MRPS5: variants seen among roughly 807,000 people sequenced by gnomAD.
The protein encoded by MRPS5 is small ribosomal subunit protein uS5m.
MRPS5 carries 27 observed loss-of-function variants against 51.9 expected under a neutral mutation model. The observed-to-expected ratio is 0.52, with a 90% CI of 0.38 to 0.72. MRPS5 has a LOEUF of 0.72. Among genes scored for constraint, MRPS5 ranks in the 30% least tolerant of loss-of-function variants. MRPS5 has a pLI of 0.00. For missense variants in MRPS5, 570 were observed against 545.7 expected, an observed-to-expected ratio of 1.04 and a Z score of -0.44; for synonymous variants, 196 against 193.2, an observed-to-expected ratio of 1.01 and a Z score of -0.12.
At chr2:95,107,140 A>C (rs762864183) in intron 5 of MRPS5, among the ~76,000 whole-genome samples, 2 of 152,238 alleles carry the variant, frequency 1.3e-5, no homozygotes, top group African/African-American at 4.8e-5. Flanking sequence ...TTATGTATAC[A>C]TTAGTCAGCT....
Position 95,094,740 on chromosome 2 carries a change from T to C in MRPS5, c.932-4218A>G, listed in dbSNP as rs1310571257. Among the ~76,000 whole-genome samples, 7 of 152,128 alleles carry C rather than the reference T, an allele frequency of 4.6e-5. No homozygotes were observed. In the East Asian group the frequency reaches 1.3e-3, roughly 29 times the overall value. ...GAACTCCTGAAGGAAGCACTCAACA[T>C]GGAAAGGAACAACCGGTACCAGCCA... On this transcript the variant is annotated intron_variant, in intron 10 of 11. Coordinates refer to ENST00000272418, the MANE Select transcript of MRPS5 (RefSeq NM_031902.5).
At chr2:95,091,706 G>C (rs538918221) in intron 10 of MRPS5, 2 of 152,060 alleles carry the variant, frequency 1.3e-5, no homozygotes. Flanking sequence ...GACTTTTTAT[G>C]GTCAAAAACT....
chr2:95,121,605 G>T, intron 1 of MRPS5, 129 bp downstream of exon 1: 3 of 1,019,014 alleles, frequency 2.9e-6, no homozygotes, highest in Non-Finnish European at 4.1e-6. Flanking sequence ...GGCGGAAGGT[G>T]GGGGCACGGC....
chr2:95,099,988 A>G (rs573085457), intron 10 of MRPS5, among the ~76,000 whole-genome samples: 12 of 152,264 alleles, frequency 7.9e-5, no homozygotes, highest in African/African-American at 2.6e-4. Flanking sequence ...GCCCTAGCCC[A>G]TGACCCTGAA....
At position 95,087,315 on chromosome 2, in the gene MRPS5, G is replaced by T. The variant is rs774417761; in HGVS notation, c.*42C>A. ...CTGTGAGGGGCTGAGTCTCTCCTAG[G>T]TGCAGGGCAGCACAGGAACTGGCTG... On this transcript the variant is annotated 3_prime_UTR_variant, in exon 12 of 12. Coordinates refer to ENST00000272418, the MANE Select transcript of MRPS5 (RefSeq NM_031902.5). 6.5e-6 allele frequency: 10 copies of T among 1,541,942 alleles called. No homozygotes were observed. Among genetic ancestry groups the T allele is most frequent in the Non-Finnish European group, 9.0e-6 (10 of 1,115,770 alleles).
chr2:95,091,630 C>A (rs1675470335), intron 10 of MRPS5: 1 of 152,188 alleles, frequency 6.6e-6, no homozygotes, highest in Non-Finnish European at 1.5e-5. Flanking sequence ...AAACTCGGCA[C>A]ACACCTCTTC....
intron 1 of MRPS5, 53 bp downstream of exon 1, chr2:95,121,681 C>A: frequency 4.0e-6 from 6 of 1,509,248 alleles, no homozygotes; most frequent in Non-Finnish European, 3.5e-6. Flanking sequence ...CCCAGGCGAG[C>A]CCCCCACTCC....
chr2:95,121,851 C>G, upstream of MRPS5: 1 of 1,478,650 alleles, frequency 6.8e-7, no homozygotes, highest in Non-Finnish European at 9.0e-7. Context: ...CCGCCTACCG[C>G]GACTGCTCCT....
intron 6 of MRPS5, among the ~76,000 whole-genome samples, chr2:95,105,886 T>A (rs1159431234): frequency 6.6e-6 from 1 of 152,210 alleles, no homozygotes; most frequent in Non-Finnish European, 1.5e-5. Context: ...CACTGAGCAT[T>A]CAGTGCCAGC....
At chr2:95,116,234 T>C (rs1165377764) in intron 2 of MRPS5, among the ~76,000 whole-genome samples, 1 of 151,506 alleles carries the variant, frequency 6.6e-6, no homozygotes. Flanking sequence ...AATATCTTAT[T>C]TAATATTAAC....
intron 10 of MRPS5, among the ~76,000 whole-genome samples, chr2:95,093,967 C>G (rs1037338823): frequency 2.0e-5 from 3 of 152,134 alleles, no homozygotes; most frequent in Non-Finnish European, 4.4e-5. Context: ...AACCCCATCA[C>G]AAGGAAGCTA....
chr2:95,094,119 T>G (rs1385239668), intron 10 of MRPS5, among the ~76,000 whole-genome samples: 1 of 151,864 alleles, frequency 6.6e-6, no homozygotes, highest in African/African-American at 2.4e-5. Flanking sequence ...TTCAATCAAG[T>G]GGAAGAAAGG....
chr2:95,092,565 C>T (rs1016955585), intron 10 of MRPS5: 4 of 152,218 alleles, frequency 2.6e-5, no homozygotes, highest in Non-Finnish European at 4.4e-5. Context: ...ATTCAGGAAA[C>T]GTCTAAAAGT....
At chr2:95,096,704 T>C (rs1261744195) in intron 10 of MRPS5, among the ~76,000 whole-genome samples, 2 of 152,166 alleles carry the variant, frequency 1.3e-5, no homozygotes, top group Non-Finnish European at 2.9e-5. Flanking sequence ...TAATAAGAGC[T>C]ATTTATGACA....
At chr2:95,108,544 G>A (rs560619475) in intron 4 of MRPS5, 136 bp from the exon 5 acceptor site, 9 of 730,700 alleles carry the variant, frequency 1.2e-5, no homozygotes, top group Non-Finnish European at 2.0e-5. Flanking sequence ...TAACTTGGTA[G>A]GTCACTTGGC....
intron 10 of MRPS5, among the ~76,000 whole-genome samples, chr2:95,100,122 T>C (rs1675752348): frequency 1.3e-5 from 2 of 152,178 alleles, no homozygotes; most frequent in African/African-American, 4.8e-5. Flanking sequence ...ACTAAACACC[T>C]GGACCTGAGT....
Position 95,100,882 on chromosome 2 carries a change from C to T in MRPS5, c.823G>A (p.Ala275Thr). The change falls in exon 9 of 12, where the codon GCA (alanine) becomes ACA (threonine). Residue 275 changes from alanine to threonine, a missense_variant. Transcript: ENST00000272418. ...TCTATATAATGCAAATGGTGAACTG[C>T]TCTGTTCTTTGCCTGAAAGGAAAAT... ...MDAFRKAKNR[A>T]VHHLHYIERY... The T allele has an allele frequency of 6.2e-7, 1 of 1,608,624 alleles. No individual in the cohort carries two copies. Among genetic ancestry groups the T allele is most frequent in the Non-Finnish European group, 8.5e-7 (1 of 1,178,500 alleles).
At chr2:95,107,573 T>A (rs1170282942) in intron 5 of MRPS5, among the ~76,000 whole-genome samples, 1 of 152,164 alleles carries the variant, frequency 6.6e-6, no homozygotes, top group Non-Finnish European at 1.5e-5. Context: ...CCCCTCCAGT[T>A]TCAACCTCTT....
chr2:95,086,390 T>C lies in MRPS5; in HGVS notation c.*967A>G, dbSNP rs1050009955. 1.3e-5 allele frequency among the ~76,000 whole-genome samples: 2 copies of C among 151,710 alleles called. No individual in the cohort carries two copies. The highest frequency in any genetic ancestry group is 2.4e-5 in the African/African-American group (1 of 41,234). ...TTTTAACTGAAATATACAATGACAG[T>C]CAAAGTTAAAGTACTGCATGGATGG... On this transcript the variant is annotated 3_prime_UTR_variant, in exon 12 of 12. Coordinates refer to ENST00000272418, the MANE Select transcript of MRPS5 (RefSeq NM_031902.5).
Sources: gnomAD v4.1 joint callset for allele counts (sites outside exome capture counted in the v4.1 genomes callset) on GRCh38, gnomAD v4.1.1 for gene constraint, MANE v1.5 for transcripts, NCBI Gene and HGNC (gene_info 2026-07-23, HGNC 2026-07-21) for gene names.